ACTR3C: variants seen among roughly 807,000 people sequenced by gnomAD.
ACTR3C encodes the protein actin related protein 3C, also known as actin-related protein 3C.
ACTR3C carries 18 observed loss-of-function variants against 26.3 expected under a neutral mutation model. The observed-to-expected ratio is 0.68, with a 90% CI of 0.47 to 1.01. The LOEUF (loss-of-function observed/expected upper bound fraction) is 1.01. Ranked by LOEUF, ACTR3C falls within the 50% of genes least tolerant of loss-of-function variation. The pLI is 0.00. For missense variants in ACTR3C, 184 were observed against 250.7 expected, an observed-to-expected ratio of 0.73 and a Z score of 1.80; for synonymous variants, 55 against 94.5, an observed-to-expected ratio of 0.58 and a Z score of 2.42.
At chr7:150,268,221 T>G (rs1365113904) in intron 6 of ACTR3C, among the ~76,000 whole-genome samples, 1 of 148,662 alleles carries the variant, frequency 6.7e-6, no homozygotes, top group Non-Finnish European at 1.5e-5. Context: ...CACCCAATTT[T>G]ATTTTAACAT....
chr7:149,881,591 C>T, the ACTR3C span: 873 of 137,492 alleles, frequency 6.3e-3, 4 homozygotes, highest in Non-Finnish European at 9.9e-3. Flanking sequence ...GGCGGTGGGG[C>T]GGATGGTCAG....
the ACTR3C span, among the ~76,000 whole-genome samples, chr7:150,168,644 T>A: frequency 4.6e-5 from 7 of 150,738 alleles, no homozygotes; most frequent in Non-Finnish European, 8.8e-5. Flanking sequence ...ATAAAACCAG[T>A]CCCTGGTGCC....
chr7:149,937,586 A>G, the ACTR3C span, among the ~76,000 whole-genome samples: 7 of 152,174 alleles, frequency 4.6e-5, 1 homozygote, highest in Non-Finnish European at 1.0e-4. Flanking sequence ...TAACATTTCA[A>G]CACCTGTAAT....
At chr7:150,076,886 C>A in the ACTR3C span, among the ~76,000 whole-genome samples, 1 of 152,098 alleles carries the variant, frequency 6.6e-6, no homozygotes, top group Admixed American at 6.5e-5. Context: ...AAAGGCAGAC[C>A]AGAGGCAGTG....
chr7:150,213,249 A>G, the ACTR3C span, among the ~76,000 whole-genome samples: 1 of 152,152 alleles, frequency 6.6e-6, no homozygotes, highest in Non-Finnish European at 1.5e-5. Context: ...GTGGTTCTGA[A>G]GCCAAGTGTG....
chr7:150,266,237 ATTTCT>A (rs927860638), intron 6 of ACTR3C, among the ~76,000 whole-genome samples: 1 of 146,334 alleles, frequency 6.8e-6, no homozygotes, highest in African/African-American at 2.7e-5. Flanking sequence ...ATATAAATTC[ATTTCT>A]TTTATTCACA....
At chr7:150,280,188 AT>A (rs1385450896) in intron 6 of ACTR3C, among the ~76,000 whole-genome samples, 1 of 152,114 alleles carries the variant, frequency 6.6e-6, no homozygotes, top group African/African-American at 2.4e-5. Context: ...CCCAAGCCCA[AT>A]TACATCAGAA....
chr7:150,193,987 C>CAG, the ACTR3C span, among the ~76,000 whole-genome samples: 1 of 140,536 alleles, frequency 7.1e-6, no homozygotes, highest in African/African-American at 2.9e-5. Flanking sequence ...CACATACACA[C>CAG]ACAGACACAC....
At chr7:150,287,560 A>C (rs770539668) in intron 4 of ACTR3C, among the ~76,000 whole-genome samples, 5 of 152,218 alleles carry the variant, frequency 3.3e-5, no homozygotes, top group South Asian at 2.1e-4. Flanking sequence ...TACAGGAAGC[A>C]CGAGGTGGGC....
At chr7:149,902,947 AAAAAAG>A in the ACTR3C span, among the ~76,000 whole-genome samples, 6 of 28,018 alleles carry the variant, frequency 2.1e-4, 2 homozygotes, top group Non-Finnish European at 1.2e-3. Context: ...AAAAAAAAAA[AAAAAAG>A]AAAGAAAGAG....
chr7:150,174,325 C>A, the ACTR3C span, among the ~76,000 whole-genome samples: 6 of 138,454 alleles, frequency 4.3e-5, 1 homozygote, highest in East Asian at 2.0e-4. Context: ...GAGGAAGAAG[C>A]AAAAGCAGAA....
chr7:149,945,382 C>T, the ACTR3C span, among the ~76,000 whole-genome samples: 2,082 of 151,526 alleles, frequency 0.014, 56 homozygotes, highest in African/African-American at 0.047. Flanking sequence ...GTCTGCTTCC[C>T]GTCGAACACA....
At chr7:149,987,869 A>G in the ACTR3C span, among the ~76,000 whole-genome samples, 1 of 152,232 alleles carries the variant, frequency 6.6e-6, no homozygotes. Context: ...AAGCTTATCT[A>G]TATAACAAAC....
the ACTR3C span, among the ~76,000 whole-genome samples, chr7:149,955,441 G>A: frequency 2.0e-5 from 3 of 152,158 alleles, no homozygotes; most frequent in Non-Finnish European, 4.4e-5. Context: ...ATCAGATATA[G>A]CAGTAAACAA....
the ACTR3C span, among the ~76,000 whole-genome samples, chr7:150,099,588 G>A: frequency 2.0e-5 from 3 of 151,670 alleles, no homozygotes; most frequent in African/African-American, 7.3e-5. Context: ...AGGGGATGTG[G>A]AAAGAGGTGA....
chr7:150,140,447 G>T, the ACTR3C span, among the ~76,000 whole-genome samples: 1 of 152,128 alleles, frequency 6.6e-6, no homozygotes, highest in Non-Finnish European at 1.5e-5. Context: ...TTATAAAATA[G>T]CATGACGTGC....
intron 6 of ACTR3C, among the ~76,000 whole-genome samples, chr7:150,275,086 T>C (rs544724555): frequency 6.9e-4 from 105 of 152,244 alleles, no homozygotes; most frequent in African/African-American, 2.4e-3. Flanking sequence ...TCACAATCAT[T>C]TGACTCAAAA....
At chr7:150,312,925 AAAG>A (rs1796451688) in intron 1 of ACTR3C, among the ~76,000 whole-genome samples, 1 of 152,170 alleles carries the variant, frequency 6.6e-6, no homozygotes, top group Non-Finnish European at 1.5e-5. Flanking sequence ...AAAAACCACA[AAAG>A]AAGTGAAACA....
chr7:150,156,037 CT>C, the ACTR3C span, among the ~76,000 whole-genome samples: 1 of 151,668 alleles, frequency 6.6e-6, no homozygotes. Context: ...GTGGAGCATC[CT>C]TTAACTCGGG....
Sources: allele counts gnomAD v4.1 joint callset (sites outside exome capture counted in the v4.1 genomes callset), GRCh38; gene constraint gnomAD v4.1.1; transcripts MANE v1.5; gene names NCBI Gene and HGNC (gene_info 2026-07-23, HGNC 2026-07-21).